EBF1: variants seen among roughly 807,000 people sequenced by gnomAD.
EBF1 encodes transcription factor COE1.
In EBF1, 10 loss-of-function variants were observed where a neutral mutation model predicts 68.4. That is an observed-to-expected ratio of 0.15 (90% CI 0.09 to 0.25). The LOEUF (loss-of-function observed/expected upper bound fraction) is 0.25. Ranked by LOEUF, EBF1 falls within the 10% of genes least tolerant of loss-of-function variation. The pLI is 1.00. For missense variants in EBF1, 509 were observed against 794.4 expected (o/e 0.64, Z 4.32); for synonymous variants, 298 against 299.8 (o/e 0.99, Z 0.06).
chr5:158,842,125 A>G (rs1562090979), intron 6 of EBF1, among the ~76,000 whole-genome samples: 1 of 152,166 alleles, frequency 6.6e-6, no homozygotes, highest in Non-Finnish European at 1.5e-5. Context: ...CCAGTCATTG[A>G]CTCTTGCCCA....
At chr5:158,902,913 TGGGTAGA>T in intron 6 of EBF1, among the ~76,000 whole-genome samples, 1 of 152,256 alleles carries the variant, frequency 6.6e-6, no homozygotes, top group East Asian at 1.9e-4. Flanking sequence ...GAGACTTTGC[TGGGTAGA>T]GCCAAAGGAC....
chr5:159,083,773 G>A (rs1306579639), intron 5 of EBF1, among the ~76,000 whole-genome samples: 99 of 152,222 alleles, frequency 6.5e-4, no homozygotes, highest in Non-Finnish European at 1.5e-5. Context: ...GGAAGAGCCT[G>A]CATGGTTAAC....
intron 6 of EBF1, among the ~76,000 whole-genome samples, chr5:158,895,557 G>C (rs1802010153): frequency 6.6e-6 from 1 of 152,120 alleles, no homozygotes; most frequent in South Asian, 2.1e-4. Context: ...AAGAGGCTGG[G>C]CCAGAAAGAA....
chr5:158,814,435 C>G (rs142522959), intron 8 of EBF1, among the ~76,000 whole-genome samples: 76 of 152,312 alleles, frequency 5.0e-4, no homozygotes, highest in African/African-American at 1.8e-3. Flanking sequence ...ATCTCCCCTA[C>G]AACACACAAC....
intron 10 of EBF1, among the ~76,000 whole-genome samples, chr5:158,754,985 G>A (rs1038916508): frequency 6.6e-6 from 1 of 152,078 alleles, no homozygotes; most frequent in Non-Finnish European, 1.5e-5. Flanking sequence ...TCTCATGAGA[G>A]GTCGGGGAGA....
At chr5:158,748,872 G>T (rs953229565) in intron 10 of EBF1, among the ~76,000 whole-genome samples, 5 of 152,180 alleles carry the variant, frequency 3.3e-5, no homozygotes, top group Non-Finnish European at 7.4e-5. Context: ...GAGCCTGGCA[G>T]ATGTAAAAGG....
chr5:158,824,155 C>T lies in EBF1; in HGVS notation c.637-838G>A, dbSNP rs989984294. Among the ~76,000 whole-genome samples, 8 of 152,174 alleles carry T rather than the reference C, an allele frequency of 5.3e-5. No individual in the cohort carries two copies. The South Asian group carries it at 6.2e-4, about 12-fold the overall frequency. On this transcript the variant is annotated intron_variant, in intron 7 of 15. Coordinates refer to ENST00000313708, the MANE Select transcript of EBF1 (RefSeq NM_024007.5). The stretch of plus-strand genomic sequence containing the variant: ...ACCCACAGAGATATGTTTATTCATG[C>T]GACCTCTTACAACCAAATATAATAA...
chr5:159,041,068 T>G (rs2031257605), intron 6 of EBF1, among the ~76,000 whole-genome samples: 1 of 152,192 alleles, frequency 6.6e-6, no homozygotes, highest in African/African-American at 2.4e-5. Flanking sequence ...AGGCAAACCC[T>G]TGGCAGACTT....
chr5:158,884,138 T>C (rs1473495266), intron 6 of EBF1, among the ~76,000 whole-genome samples: 1 of 152,240 alleles, frequency 6.6e-6, no homozygotes, highest in Non-Finnish European at 1.5e-5. Flanking sequence ...TAAGTCACTG[T>C]TGTCATATTT....
chr5:158,709,259 C>A (rs1001830417), intron 14 of EBF1, among the ~76,000 whole-genome samples: 1 of 152,098 alleles, frequency 6.6e-6, no homozygotes, highest in Admixed American at 6.5e-5. Context: ...TTATCATTCA[C>A]AAGAATCTTC....
intron 11 of EBF1, among the ~76,000 whole-genome samples, chr5:158,725,854 C>A (rs1443044919): frequency 6.6e-6 from 1 of 152,158 alleles, no homozygotes; most frequent in Non-Finnish European, 1.5e-5. Context: ...TAATCCGTTC[C>A]TTAATATGTC....
intron 10 of EBF1, 66 bp from the exon 11 acceptor site, chr5:158,731,223 C>T: frequency 6.9e-7 from 1 of 1,452,484 alleles, no homozygotes; most frequent in Non-Finnish European, 9.6e-7. Context: ...GCTTGCAACA[C>T]TAATGGTGTG....
chr5:159,018,978 A>G (rs767243356), intron 6 of EBF1: 3 of 152,218 alleles, frequency 2.0e-5, no homozygotes, highest in Non-Finnish European at 4.4e-5. Context: ...CAAAGACTAT[A>G]AGCCGCCCCG....
chr5:158,908,043 C>T (rs897787017), intron 6 of EBF1, among the ~76,000 whole-genome samples: 2 of 152,144 alleles, frequency 1.3e-5, no homozygotes, highest in Admixed American at 1.3e-4. Flanking sequence ...ACCCCACCAC[C>T]GAGTTTTGGC....
chr5:159,038,181 A>G (rs1207541806), intron 6 of EBF1, among the ~76,000 whole-genome samples: 1 of 152,180 alleles, frequency 6.6e-6, no homozygotes, highest in African/African-American at 2.4e-5. Context: ...ACGGCCCACC[A>G]TCACCATGAC....
intron 6 of EBF1, among the ~76,000 whole-genome samples, chr5:159,069,872 A>G (rs549809036): frequency 3.9e-5 from 6 of 152,168 alleles, no homozygotes; most frequent in Non-Finnish European, 8.8e-5. Context: ...ACTCCAAGGA[A>G]AAAGGTTAGG....
rs550230265 is a variant in EBF1, at chr5:158,777,499, C to T, written c.950G>A (p.Arg317Gln). Residue 317 changes from arginine (R) to glutamine (Q), a missense_variant, in exon 10 of 16, where the codon CGG (arginine) becomes CAG (glutamine). Coordinates refer to ENST00000313708, the MANE Select transcript of EBF1 (RefSeq NM_024007.5). Reference sequence around the variant, plus strand: ...GACTTCCACAACACCAGGGATGTGCCGAGGAGGGGTCTGCACACGGATGGC... The same window carrying T: ...GACTTCCACAACACCAGGGATGTGCTGAGGAGGGGTCTGCACACGGATGGC... ...PHAIRVQTPP[R>Q]HIPGVVEVTL... 4.3e-6 allele frequency: 7 copies of T among 1,612,260 alleles called. No individual in the cohort carries two copies. The highest frequency in any genetic ancestry group is 1.7e-5 in the Admixed American group (1 of 59,894).
chr5:159,062,646 G>T (rs1027141321), intron 6 of EBF1, among the ~76,000 whole-genome samples: 2 of 152,142 alleles, frequency 1.3e-5, no homozygotes, highest in South Asian at 4.1e-4. Flanking sequence ...CACTGATTTC[G>T]CGTTTGACAT....
At chr5:158,775,038 C>G (rs117438819) in intron 10 of EBF1, among the ~76,000 whole-genome samples, 1 of 151,468 alleles carries the variant, frequency 6.6e-6, no homozygotes, top group South Asian at 2.1e-4. Context: ...GGCCAGATCA[C>G]CAGAAGCATT....
Sources: gnomAD v4.1 joint callset for allele counts (sites outside exome capture counted in the v4.1 genomes callset) on GRCh38, gnomAD v4.1.1 for gene constraint, MANE v1.5 for transcripts, NCBI Gene and HGNC (gene_info 2026-07-23, HGNC 2026-07-21) for gene names.